Variants in UGGT1 observed in about 807,000 individuals in gnomAD.
The protein encoded by UGGT1 is UDP-glucose glycoprotein glucosyltransferase 1, also known as UDP-glucose:glycoprotein glucosyltransferase 1.
A neutral mutation model predicts 203.9 loss-of-function variants in UGGT1; 107 were observed. The observed-to-expected ratio is 0.52, with a 90% CI of 0.45 to 0.62. UGGT1 has a LOEUF of 0.62. UGGT1 is among the 20% of genes least tolerant of loss of function. The probability of loss-of-function intolerance (pLI) is 0.00; values close to 1 mark genes in which losing one functional copy is unlikely to be tolerated. For missense variants in UGGT1, 1,673 were observed against 1,867.2 expected (o/e 0.90, Z 1.92); for synonymous variants, 628 against 653.5 (o/e 0.96, Z 0.59).
intron 16 of UGGT1, 143 bp downstream of exon 16, chr2:128,138,995 T>C: frequency 1.9e-6 from 2 of 1,053,388 alleles, no homozygotes; most frequent in Non-Finnish European, 1.3e-6. Flanking sequence ...TCTGCTGCAG[T>C]GTATAGAGAT....
At chr2:128,162,460 G>A (rs1171007814) in intron 25 of UGGT1, among the ~76,000 whole-genome samples, 1 of 151,976 alleles carries the variant, frequency 6.6e-6, no homozygotes, top group Non-Finnish European at 1.5e-5. Context: ...AAGTTCTGCT[G>A]GGTTTTTTTC....
chr2:128,184,845 C>G (rs1342514124), intron 38 of UGGT1, among the ~76,000 whole-genome samples: 1 of 152,110 alleles, frequency 6.6e-6, no homozygotes, highest in East Asian at 1.9e-4. Context: ...CCACTCCTGG[C>G]TAATTTTTGT....
intron 19 of UGGT1, 44 bp downstream of exon 19, chr2:128,152,948 T>G (rs750731180): frequency 1.0e-5 from 16 of 1,605,662 alleles, no homozygotes; most frequent in Non-Finnish European, 1.4e-5. Flanking sequence ...TTTTGACTTG[T>G]GCTTCAGAAT....
In UGGT1 at chr2:128,195,060, T is replaced by TGGTC. The variant is rs1290083254; in HGVS notation, c.*5322_*5325dup. 1 of 152,252 alleles carries TGGTC rather than the reference T, an allele frequency of 6.6e-6. No homozygotes were observed. Among genetic ancestry groups the TGGTC allele is most frequent in the African/African-American group, 2.4e-5 (1 of 41,508 alleles). 9.4% of individuals were successfully genotyped at this position (152,252 alleles called of 1,614,324 possible). A position where few individuals can be genotyped will look rare whatever the true frequency, so the allele number is the denominator to read the frequency against. On this transcript the variant is annotated 3_prime_UTR_variant, in exon 41 of 41. Coordinates refer to ENST00000259253, the MANE Select transcript of UGGT1 (RefSeq NM_020120.4). ...AGGAGCCCATGAAGGTTAAACTCTG[T>TGGTC]GGTCGGTATTTGCAAGCGCCGGGCG...
chr2:128,094,168 G>T (rs1686999008), intron 1 of UGGT1, among the ~76,000 whole-genome samples: 1 of 151,944 alleles, frequency 6.6e-6, no homozygotes, highest in Non-Finnish European at 1.5e-5. Flanking sequence ...AGGACAAATT[G>T]TAAACATAGC....
intron 30 of UGGT1, 106 bp from the exon 31 acceptor site, chr2:128,174,667 T>G (rs1174239155): frequency 1.0e-6 from 1 of 975,342 alleles, no homozygotes; most frequent in South Asian, 1.5e-5. Context: ...TACTGTGTTA[T>G]TCACATTATA....
chr2:128,145,517 CACACACAT>C (rs766275325), intron 17 of UGGT1: 4,347 of 205,232 alleles, frequency 0.021, 8 homozygotes, highest in East Asian at 0.046. Flanking sequence ...CACACACACA[CACACACAT>C]ACACAAACAC....
At chr2:128,136,676 G>A (rs1327110902) in intron 15 of UGGT1, among the ~76,000 whole-genome samples, 1 of 152,198 alleles carries the variant, frequency 6.6e-6, no homozygotes, top group African/African-American at 2.4e-5. Flanking sequence ...ATAAACATCT[G>A]GGTGCAGGTA....
Position 128,195,098 on chromosome 2 carries a change from C to T in UGGT1, c.*5356C>T, listed in dbSNP as rs369238252. The T allele has an allele frequency of 1.3e-5, 2 of 152,356 alleles. No individual in the cohort carries two copies. The highest frequency in any genetic ancestry group is 4.8e-5 in the African/African-American group (2 of 41,564). 9.4% of individuals were successfully genotyped at this position (152,356 alleles called of 1,614,324 possible). On this transcript the variant is annotated 3_prime_UTR_variant, in exon 41 of 41. Transcript: ENST00000259253. ...CAAGCGCCGGGCGTGGTGGCTCACG[C>T]CTGTAATCCTAGCACCTTGGGAGGC...
chr2:128,178,060 G>A, intron 33 of UGGT1, 140 bp downstream of exon 33: 2 of 705,948 alleles, frequency 2.8e-6, no homozygotes, highest in Middle Eastern at 5.8e-4. Context: ...ACTTATATTT[G>A]GCATAGATGA....
At position 128,120,245 on chromosome 2, in the gene UGGT1, A is replaced by G. The variant is rs1688313176; in HGVS notation, c.873-111A>G. The G allele has an allele frequency of 1.5e-5, 14 of 943,692 alleles. No individual in the cohort carries two copies. In the East Asian group the frequency reaches 3.5e-4, roughly 24 times the overall value. 58.5% of individuals were successfully genotyped at this position (943,692 alleles called of 1,614,324 possible). On this transcript the variant is annotated intron_variant, in intron 8 of 40. Transcript: ENST00000259253. ...CATTTTTTCCCCCTATGTCGTAGAA[A>G]ATTTCCTAGGGTTGGGAGAGGAAAA...
At chr2:128,126,284 C>T (rs1187630584) in intron 11 of UGGT1, among the ~76,000 whole-genome samples, 1 of 151,768 alleles carries the variant, frequency 6.6e-6, no homozygotes, top group Non-Finnish European at 1.5e-5. Context: ...CTCTGTTGCC[C>T]AGGCTGAATG....
At chr2:128,169,505 T>G (rs999117632) in intron 26 of UGGT1, among the ~76,000 whole-genome samples, 2 of 152,256 alleles carry the variant, frequency 1.3e-5, no homozygotes, top group African/African-American at 2.4e-5. Flanking sequence ...ACAATACTTA[T>G]TAGCCGCAAA....
chr2:128,163,386 T>C (rs1219870500), intron 25 of UGGT1, among the ~76,000 whole-genome samples: 1 of 151,822 alleles, frequency 6.6e-6, no homozygotes, highest in Non-Finnish European at 1.5e-5. Flanking sequence ...TTTTTTTTTT[T>C]TTTTTCAGGT....
chr2:128,118,635 C>T (rs1428038840), intron 8 of UGGT1, among the ~76,000 whole-genome samples: 1 of 152,158 alleles, frequency 6.6e-6, no homozygotes, highest in Non-Finnish European at 1.5e-5. Flanking sequence ...TATGCATTCA[C>T]AGCACAAAGG....
At chr2:128,153,393 G>GT (rs1385351049) in intron 19 of UGGT1, among the ~76,000 whole-genome samples, 2 of 151,704 alleles carry the variant, frequency 1.3e-5, no homozygotes, top group African/African-American at 4.9e-5. Context: ...CAATTCAATG[G>GT]TTTTTTTAAT....
chr2:128,174,381 C>G (rs1691268556), intron 30 of UGGT1, among the ~76,000 whole-genome samples: 1 of 151,184 alleles, frequency 6.6e-6, no homozygotes, highest in African/African-American at 2.4e-5. Flanking sequence ...TCACTGCAAC[C>G]TCCGCCTCCC....
chr2:128,163,304 C>A (rs1181922068), intron 25 of UGGT1, among the ~76,000 whole-genome samples: 1 of 149,504 alleles, frequency 6.7e-6, no homozygotes, highest in African/African-American at 2.5e-5. Context: ...AATTACAGTT[C>A]AAATACATTC....
chr2:128,166,066 G>C (rs1440595630), intron 26 of UGGT1, among the ~76,000 whole-genome samples: 1 of 152,198 alleles, frequency 6.6e-6, no homozygotes, highest in Non-Finnish European at 1.5e-5. Flanking sequence ...GCTTAGCATA[G>C]TGAGGGAGTT....
Sources: gnomAD v4.1 joint callset for allele counts (sites outside exome capture counted in the v4.1 genomes callset) on GRCh38, gnomAD v4.1.1 for gene constraint, MANE v1.5 for transcripts, NCBI Gene and HGNC (gene_info 2026-07-23, HGNC 2026-07-21) for gene names.